KIAA0319: variants seen among roughly 807,000 people sequenced by gnomAD.
KIAA0319 encodes the protein KIAA0319.
In KIAA0319, 83 loss-of-function variants were observed where a neutral mutation model predicts 108.4. That is an observed-to-expected ratio of 0.77 (90% CI 0.64 to 0.92). The LOEUF (loss-of-function observed/expected upper bound fraction) is 0.92. KIAA0319 is among the 40% of genes least tolerant of loss of function. The pLI, the probability that KIAA0319 is intolerant of heterozygous loss-of-function variation, is 0.00. For missense variants in KIAA0319, 1,195 were observed against 1,322.4 expected, an observed-to-expected ratio of 0.90 and a Z score of 1.49; for synonymous variants, 484 against 510.4, an observed-to-expected ratio of 0.95 and a Z score of 0.70.
At chr6:24,562,419 G>A (rs968504394) in intron 16 of KIAA0319, among the ~76,000 whole-genome samples, 3 of 152,142 alleles carry the variant, frequency 2.0e-5, no homozygotes, top group Non-Finnish European at 4.4e-5. Flanking sequence ...TCAGTTCTCT[G>A]GAAAACTAAC....
At chr6:24,617,667 G>A (rs1773348630) in intron 1 of KIAA0319, among the ~76,000 whole-genome samples, 1 of 152,164 alleles carries the variant, frequency 6.6e-6, no homozygotes, top group Non-Finnish European at 1.5e-5. Flanking sequence ...GAGCAAAAAT[G>A]CCTCATAAAG....
chr6:24,555,854 A>C (rs1186563619), intron 18 of KIAA0319, among the ~76,000 whole-genome samples: 2 of 152,210 alleles, frequency 1.3e-5, no homozygotes, highest in Non-Finnish European at 2.9e-5. Context: ...TCACCAGAAA[A>C]TCACACTGAG....
chr6:24,596,926 T>C (rs1769717874), intron 2 of KIAA0319, among the ~76,000 whole-genome samples: 1 of 151,944 alleles, frequency 6.6e-6, no homozygotes, highest in African/African-American at 2.4e-5. Context: ...CACATACTCA[T>C]CCATCTACCC....
At chr6:24,588,854 T>C in intron 3 of KIAA0319, 69 bp from the exon 4 acceptor site, 1 of 1,262,904 alleles carries the variant, frequency 7.9e-7, no homozygotes, top group Non-Finnish European at 1.1e-6. Context: ...AGCAACTCAA[T>C]GTTACCAACC....
chr6:24,596,012 G>A lies in KIAA0319; in HGVS notation c.662C>T (p.Ser221Leu), dbSNP rs371002753. ...QDPELHYLNE[S>L]ASTPAPKLPE... ...GAGTTTTGGGGCAGGGGTTGAAGCCGACTCATTCAGGTAATGGAGCTCAGG... is the reference window on the plus strand; with the variant it reads ...GAGTTTTGGGGCAGGGGTTGAAGCCAACTCATTCAGGTAATGGAGCTCAGG... Residue 221 changes from serine (S) to leucine (L), a missense_variant, in exon 3 of 21, where the codon TCG becomes TTG. By Grantham distance (145) the Ser-to-Leu change is moderately radical. Transcript: ENST00000378214. 6 of 1,614,060 alleles carry A rather than the reference G, an allele frequency of 3.7e-6. No homozygotes were observed. Among genetic ancestry groups the A allele is most frequent in the South Asian group, 1.1e-5 (1 of 91,084 alleles).
At chr6:24,602,040 CAG>C (rs1333798656) in intron 1 of KIAA0319, among the ~76,000 whole-genome samples, 3 of 145,504 alleles carry the variant, frequency 2.1e-5, no homozygotes, top group Non-Finnish European at 3.0e-5. Flanking sequence ...TTTTTTGAGA[CAG>C]AGTCTTGCAC....
At chr6:24,557,228 G>A (rs1762427385) in intron 17 of KIAA0319, among the ~76,000 whole-genome samples, 1 of 151,788 alleles carries the variant, frequency 6.6e-6, no homozygotes, top group African/African-American at 2.4e-5. Context: ...CTGGCTGGGT[G>A]CGGTTGCTCA....
At chr6:24,596,805 T>C (rs1769686218) in intron 2 of KIAA0319, among the ~76,000 whole-genome samples, 187 bp from the exon 3 acceptor site, 1 of 152,162 alleles carries the variant, frequency 6.6e-6, no homozygotes, top group Non-Finnish European at 1.5e-5. Context: ...TTCATCCTCC[T>C]ACCTTCCCAC....
At chr6:24,631,301 G>A (rs1055790535) in intron 1 of KIAA0319, among the ~76,000 whole-genome samples, 4 of 152,176 alleles carry the variant, frequency 2.6e-5, no homozygotes, top group Admixed American at 2.6e-4. Flanking sequence ...TCTACCTCCT[G>A]AGCACCTCTC....
chr6:24,598,518 C>T (rs1202103482), intron 2 of KIAA0319: 5 of 451,342 alleles, frequency 1.1e-5, no homozygotes, highest in Non-Finnish European at 1.7e-5. Flanking sequence ...AGCTGGAGGC[C>T]GAGTTTGGCA....
intron 4 of KIAA0319, among the ~76,000 whole-genome samples, chr6:24,588,136 C>G (rs1346092174): frequency 6.6e-6 from 1 of 152,248 alleles, no homozygotes; most frequent in Non-Finnish European, 1.5e-5. Context: ...GGATGGGAAG[C>G]ACTGAGCATA....
At position 24,601,143 on chromosome 6, in the gene KIAA0319, G is replaced by C. The variant is rs760123402; in HGVS notation, c.-40C>G. 6.2e-7 allele frequency: 1 copy of C among 1,607,962 alleles called. No individual in the cohort carries two copies. The highest frequency in any genetic ancestry group is 8.5e-7 in the Non-Finnish European group (1 of 1,177,052). ...TGGGTGATGGCAGGCTTCTGAGGCGGCCCTGAAGAGAGTTTGGTGCAAGCT... is the reference window on the plus strand; with the variant it reads ...TGGGTGATGGCAGGCTTCTGAGGCGCCCCTGAAGAGAGTTTGGTGCAAGCT... On this transcript the variant is annotated 5_prime_UTR_variant, in exon 2 of 21. Coordinates refer to ENST00000378214, the MANE Select transcript of KIAA0319 (RefSeq NM_014809.4).
intron 13 of KIAA0319, 96 bp downstream of exon 13, chr6:24,568,685 A>C (rs1764239069): frequency 7.7e-7 from 1 of 1,292,586 alleles, no homozygotes; most frequent in East Asian, 2.4e-5. Context: ...ACAAATAAGC[A>C]AACACCAACA....
chr6:24,548,811 T>C lies in KIAA0319; in HGVS notation c.3041-1468A>G, dbSNP rs1355767761. Among the ~76,000 whole-genome samples the C allele has an allele frequency of 5.3e-5, 8 of 152,180 alleles. 1 individual carries two copies. In the East Asian group the frequency reaches 1.5e-3, roughly 29 times the overall value. ...AGTAAACCATGAAGTTTGGATTTTA[T>C]CCTAAAAGCAGAGAAATGACACTAT... On this transcript the variant is annotated intron_variant, in intron 20 of 20. Coordinates refer to ENST00000378214, the MANE Select transcript of KIAA0319 (RefSeq NM_014809.4).
chr6:24,597,999 T>C, intron 2 of KIAA0319: 1 of 171,154 alleles, frequency 5.8e-6, no homozygotes, highest in Non-Finnish European at 1.1e-5. Context: ...GGTTCAGCCC[T>C]CCTGCCTCCA....
chr6:24,637,555 A>C (rs961932338), intron 1 of KIAA0319, among the ~76,000 whole-genome samples: 19 of 152,230 alleles, frequency 1.2e-4, no homozygotes, highest in Admixed American at 7.8e-4. Context: ...TTGGGGATGG[A>C]CTAAGTGGCT....
chr6:24,600,504 A>G, intron 2 of KIAA0319: 1 of 681,260 alleles, frequency 1.5e-6, no homozygotes, highest in Admixed American at 2.2e-5. Context: ...GAGAAACTGC[A>G]TTTTAACAAG....
At chr6:24,551,139 C>T (rs991436879) in intron 20 of KIAA0319, among the ~76,000 whole-genome samples, 10 of 139,574 alleles carry the variant, frequency 7.2e-5, no homozygotes, top group African/African-American at 1.5e-4. Context: ...CCACCACGCC[C>T]GGCTAATTTT....
At chr6:24,631,637 C>T (rs1355488066) in intron 1 of KIAA0319, among the ~76,000 whole-genome samples, 1 of 150,858 alleles carries the variant, frequency 6.6e-6, no homozygotes, top group Non-Finnish European at 1.5e-5. Flanking sequence ...GAGTGTACAC[C>T]ATGTGGCTTT....
Sources: allele counts gnomAD v4.1 joint callset (sites outside exome capture counted in the v4.1 genomes callset), GRCh38; gene constraint gnomAD v4.1.1; transcripts MANE v1.5; gene names NCBI Gene and HGNC (gene_info 2026-07-23, HGNC 2026-07-21).